Variants in DTD1 observed in about 807,000 individuals in gnomAD.
The protein encoded by DTD1 is D-aminoacyl-tRNA deacylase 1.
In DTD1, 13 loss-of-function variants were observed where a neutral mutation model predicts 25.6. The ratio of observed to expected loss-of-function variants is 0.51; its 90% CI spans 0.33 to 0.81. DTD1 has a LOEUF of 0.81. Ranked by LOEUF, DTD1 falls within the 30% of genes least tolerant of loss-of-function variation. DTD1 has a pLI of 0.02. For synonymous variants in DTD1, 110 were observed against 103.6 expected (o/e 1.06, Z -0.37); for missense variants, 193 against 266.4 (o/e 0.72, Z 1.92).
rs986860441 is a variant in DTD1 at position 18,749,828 on chromosome 20, G to A, written c.*19+5557G>A. Among the ~76,000 whole-genome samples the A allele has an allele frequency of 7.2e-5, 11 of 152,316 alleles. No homozygotes were observed. Among genetic ancestry groups the A allele is most frequent in the Middle Eastern group, 3.4e-3 (1 of 294 alleles). The stretch of plus-strand genomic sequence containing the variant: ...ATGGAGCCTCTGTCTGGTCAGGAAC[G>A]CCCCTATTGCTACTCAGCGCATGGA... On this transcript the variant is annotated intron_variant, in intron 5 of 5. Coordinates refer to ENST00000377452, the MANE Select transcript of DTD1 (RefSeq NM_080820.6). This position sits in a 1 kb window ranked among gnomAD's most constrained non-coding sequence, Gnocchi z 4.2.
At chr20:18,632,526 T>C (rs2060792613) in intron 4 of DTD1, 1 of 985,476 alleles carries the variant, frequency 1.0e-6, no homozygotes, top group Non-Finnish European at 1.2e-6. Flanking sequence ...TGCTTTTGTG[T>C]TGATAGGAGG....
intron 5 of DTD1, among the ~76,000 whole-genome samples, chr20:18,751,631 T>G (rs958545450): frequency 4.6e-5 from 7 of 152,060 alleles, no homozygotes; most frequent in Non-Finnish European, 7.4e-5. Context: ...TAGCTGAGAT[T>G]AAAGGCATGC....
chr20:18,622,942 A>ATTTTTTT lies in DTD1; in HGVS notation c.371-5179_371-5173dup, dbSNP rs771564529. 5.4e-4 allele frequency among the ~76,000 whole-genome samples: 70 copies of ATTTTTTT among 129,788 alleles called. 3 individuals carry two copies. The highest frequency in any genetic ancestry group is 1.3e-3 in the African/African-American group (46 of 35,080). The allele number at this position is 129,788 out of a possible 152,430, so 85.1% of individuals were successfully genotyped here. ...ACTTATTAGAAGACAATTTTATAGA[A>ATTTTTTT]TTTTTTTTTTTTGTCTGAGATGGAG... On this transcript the variant is annotated intron_variant, in intron 3 of 5. Coordinates refer to ENST00000377452, the MANE Select transcript of DTD1 (RefSeq NM_080820.6).
chr20:18,697,414 GT>G (rs1311691287), intron 4 of DTD1, among the ~76,000 whole-genome samples: 4 of 152,092 alleles, frequency 2.6e-5, no homozygotes, highest in African/African-American at 9.7e-5. Context: ...ACCATTTTCA[GT>G]GAGGGTGACT....
At chr20:18,619,037 G>A (rs1352158265) in intron 3 of DTD1, among the ~76,000 whole-genome samples, 2 of 151,528 alleles carry the variant, frequency 1.3e-5, no homozygotes, top group East Asian at 1.9e-4. Context: ...TAGAAACAAG[G>A]TCTCACTATG....
intron 3 of DTD1, among the ~76,000 whole-genome samples, chr20:18,608,680 C>T (rs887004035): frequency 1.2e-4 from 18 of 152,316 alleles, no homozygotes; most frequent in African/African-American, 4.3e-4. Context: ...TCGGACCAGC[C>T]ACATTTCAGG....
At chr20:18,637,080 G>A (rs547917439) in intron 4 of DTD1, among the ~76,000 whole-genome samples, 1 of 152,308 alleles carries the variant, frequency 6.6e-6, no homozygotes, top group South Asian at 2.1e-4. Flanking sequence ...AGAGAATCAG[G>A]CCTTGCAGTG....
At chr20:18,626,526 A>G (rs750387236) in intron 3 of DTD1, among the ~76,000 whole-genome samples, 1 of 152,180 alleles carries the variant, frequency 6.6e-6, no homozygotes, top group Admixed American at 6.5e-5. Context: ...TTTAAGAACA[A>G]CTTGATTATA....
At chr20:18,710,071 C>G (rs1457519056) in intron 4 of DTD1, among the ~76,000 whole-genome samples, 2 of 152,078 alleles carry the variant, frequency 1.3e-5, no homozygotes, top group African/African-American at 4.8e-5. Flanking sequence ...GATATATTGT[C>G]TACATTTTGG....
intron 4 of DTD1, among the ~76,000 whole-genome samples, chr20:18,687,014 G>C (rs577825187): frequency 6.6e-6 from 1 of 152,318 alleles, no homozygotes; most frequent in East Asian, 1.9e-4. Flanking sequence ...TTAGATTCTG[G>C]TCTATTGGGG....
intron 1 of DTD1, among the ~76,000 whole-genome samples, chr20:18,589,162 C>A (rs2060578812): frequency 6.6e-6 from 1 of 152,034 alleles, no homozygotes; most frequent in South Asian, 2.1e-4. Flanking sequence ...ACCAGCCTGG[C>A]CAACATAGAG....
intron 4 of DTD1, among the ~76,000 whole-genome samples, chr20:18,663,362 A>G (rs1049057050): frequency 6.6e-6 from 1 of 151,640 alleles, no homozygotes; most frequent in Admixed American, 6.5e-5. Context: ...CTATAAAAAA[A>G]AAAAATATAC....
chr20:18,730,897 T>C (rs561504850), intron 4 of DTD1, among the ~76,000 whole-genome samples: 5 of 152,346 alleles, frequency 3.3e-5, no homozygotes, highest in South Asian at 2.1e-4. Flanking sequence ...TCTTTTACTC[T>C]CAGACTCTGT....
chr20:18,699,576 G>C (rs1328078734), intron 4 of DTD1, among the ~76,000 whole-genome samples: 1 of 152,212 alleles, frequency 6.6e-6, no homozygotes, highest in Non-Finnish European at 1.5e-5. Flanking sequence ...GGAGGATGGA[G>C]CCCAGCTTGT....
chr20:18,618,715 A>ATG (rs1449520247), intron 3 of DTD1, among the ~76,000 whole-genome samples: 4 of 148,058 alleles, frequency 2.7e-5, no homozygotes, highest in East Asian at 4.0e-4. Context: ...ACACACACAT[A>ATG]TAATTTTTTT....
intron 4 of DTD1, among the ~76,000 whole-genome samples, chr20:18,672,920 A>C (rs189332810): frequency 6.6e-6 from 1 of 152,304 alleles, no homozygotes; most frequent in Non-Finnish European, 1.5e-5. Flanking sequence ...CTAGATGTAG[A>C]AGTCTCCGGC....
chr20:18,718,631 T>G (rs943804095), intron 4 of DTD1, among the ~76,000 whole-genome samples: 2 of 152,246 alleles, frequency 1.3e-5, no homozygotes, highest in African/African-American at 4.8e-5. Flanking sequence ...TTTGCTGCTT[T>G]TTGACCATTT....
intron 4 of DTD1, among the ~76,000 whole-genome samples, chr20:18,642,562 C>G (rs1277204991): frequency 6.6e-6 from 1 of 152,138 alleles, no homozygotes; most frequent in Non-Finnish European, 1.5e-5. Context: ...AGCCACCGCA[C>G]CTGGCCAAGT....
At chr20:18,592,821 T>G (rs2060595215) in intron 1 of DTD1, among the ~76,000 whole-genome samples, 1 of 152,090 alleles carries the variant, frequency 6.6e-6, no homozygotes. Context: ...TAGCTGGGAT[T>G]ACAGGCGCCC....
Sources: gnomAD v4.1 joint callset for allele counts (sites outside exome capture counted in the v4.1 genomes callset) on GRCh38, gnomAD v4.1.1 for gene constraint, Gnocchi (gnomAD v3.1) non-coding constraint, MANE v1.5 for transcripts, NCBI Gene and HGNC (gene_info 2026-07-23, HGNC 2026-07-21) for gene names.